GRM7: variants seen among roughly 807,000 people sequenced by gnomAD.
GRM7 encodes glutamate metabotropic receptor 7.
GRM7 carries 35 observed loss-of-function variants against 84.5 expected under a neutral mutation model. The observed-to-expected ratio is 0.41, with a 90% CI of 0.32 to 0.55. The LOEUF (loss-of-function observed/expected upper bound fraction) is 0.55. Ranked by LOEUF, GRM7 falls within the 20% of genes least tolerant of loss-of-function variation. The probability of loss-of-function intolerance (pLI) is 0.19; values close to 1 mark genes in which losing one functional copy is unlikely to be tolerated. For missense variants in GRM7, 1,003 were observed against 1,194.6 expected, an observed-to-expected ratio of 0.84 and a Z score of 2.36; for synonymous variants, 487 against 455.1, an observed-to-expected ratio of 1.07 and a Z score of -0.89.
At chr3:7,055,962 A>G (rs898374643) in intron 1 of GRM7, among the ~76,000 whole-genome samples, 1 of 151,972 alleles carries the variant, frequency 6.6e-6, no homozygotes, top group African/African-American at 2.4e-5. Context: ...TGTAGAGGAT[A>G]TGGGGACATG....
At chr3:6,935,421 T>A (rs1352208163) in intron 1 of GRM7, among the ~76,000 whole-genome samples, 1 of 151,648 alleles carries the variant, frequency 6.6e-6, no homozygotes, top group Non-Finnish European at 1.5e-5. Context: ...GCTCAAAGAA[T>A]AATGAAAAAT....
intron 7 of GRM7, among the ~76,000 whole-genome samples, chr3:7,548,680 A>G (rs73019815): frequency 0.013 from 2,051 of 152,282 alleles, 28 homozygotes; most frequent in Middle Eastern, 0.027. Flanking sequence ...GTGATCCCCT[A>G]GGACTACCTC....
chr3:7,274,052 T>C (rs1698963462), intron 2 of GRM7, among the ~76,000 whole-genome samples: 1 of 151,970 alleles, frequency 6.6e-6, no homozygotes, highest in South Asian at 2.1e-4. Flanking sequence ...TTGGTTTTGG[T>C]CATTGCCCTA....
intron 1 of GRM7, among the ~76,000 whole-genome samples, chr3:7,093,319 T>TTG (rs939019444): frequency 2.0e-5 from 3 of 151,584 alleles, no homozygotes; most frequent in Admixed American, 1.3e-4. Context: ...TGACGTGTAC[T>TTG]TGTGTGTGTG....
At chr3:7,379,589 G>T (rs1694503150) in intron 4 of GRM7, among the ~76,000 whole-genome samples, 1 of 151,942 alleles carries the variant, frequency 6.6e-6, no homozygotes, top group African/African-American at 2.4e-5. Context: ...GAGAATGTTT[G>T]GTTTTCCCTA....
chr3:7,359,158 G>C (rs1575216150), intron 4 of GRM7, among the ~76,000 whole-genome samples: 1 of 62,876 alleles, frequency 1.6e-5, no homozygotes, highest in Admixed American at 1.9e-4. Context: ...CTTAGGTCTA[G>C]GTCTATGTAT....
intron 1 of GRM7, among the ~76,000 whole-genome samples, chr3:6,901,870 A>G (rs1473452821): frequency 1.3e-5 from 2 of 151,894 alleles, no homozygotes; most frequent in Non-Finnish European, 2.9e-5. Context: ...AAGCATCATA[A>G]TATCAGTGAA....
intron 5 of GRM7, among the ~76,000 whole-genome samples, chr3:7,452,096 G>C (rs1445453565): frequency 6.6e-6 from 1 of 152,156 alleles, no homozygotes; most frequent in African/African-American, 2.4e-5. Flanking sequence ...TGAGAGCTGG[G>C]ATTGTGAAAG....
At chr3:7,584,017 G>A in intron 8 of GRM7, among the ~76,000 whole-genome samples, 1 of 152,164 alleles carries the variant, frequency 6.6e-6, no homozygotes, top group Non-Finnish European at 1.5e-5. Flanking sequence ...CAGGAACATG[G>A]AGAAGGAGCT....
At chr3:7,156,262 A>G (rs184808019) in intron 2 of GRM7, among the ~76,000 whole-genome samples, 3 of 152,304 alleles carry the variant, frequency 2.0e-5, no homozygotes, top group African/African-American at 7.2e-5. Flanking sequence ...TCAGGAGAGG[A>G]TGGTCCTAGT....
intron 1 of GRM7, among the ~76,000 whole-genome samples, chr3:7,130,583 C>T (rs1435281910): frequency 1.3e-5 from 2 of 149,798 alleles, no homozygotes; most frequent in South Asian, 2.1e-4. Context: ...GATTAATGGC[C>T]CATGGAGAGG....
At chr3:7,364,005 G>C (rs1442572884) in intron 4 of GRM7, among the ~76,000 whole-genome samples, 1 of 151,806 alleles carries the variant, frequency 6.6e-6, no homozygotes, top group Non-Finnish European at 1.5e-5. Context: ...TTAAGAGTTG[G>C]GTGCTATGTA....
intron 2 of GRM7, among the ~76,000 whole-genome samples, chr3:7,172,892 C>A (rs1695030921): frequency 6.6e-6 from 1 of 151,674 alleles, no homozygotes; most frequent in Admixed American, 6.6e-5. Flanking sequence ...TATTGTTTAC[C>A]AGAGGAGGAT....
intron 2 of GRM7, among the ~76,000 whole-genome samples, chr3:7,292,364 T>C (rs1272730160): frequency 2.0e-5 from 3 of 152,206 alleles, no homozygotes; most frequent in Non-Finnish European, 4.4e-5. Context: ...CTCCTCTTAA[T>C]CTGTGGAGTA....
intron 1 of GRM7, among the ~76,000 whole-genome samples, chr3:7,072,308 T>A (rs1011174229): frequency 1.3e-5 from 2 of 152,190 alleles, no homozygotes; most frequent in Admixed American, 1.3e-4. Flanking sequence ...TAAATACTTT[T>A]GGTAAGTCAT....
chr3:7,648,940 G>A (rs1698794523), intron 8 of GRM7, among the ~76,000 whole-genome samples: 1 of 152,004 alleles, frequency 6.6e-6, no homozygotes, highest in Admixed American at 6.5e-5. Flanking sequence ...AGTGGCCTGA[G>A]ACTTTGGTTA....
At chr3:6,906,547 G>A (rs1379847149) in intron 1 of GRM7, among the ~76,000 whole-genome samples, 2 of 151,968 alleles carry the variant, frequency 1.3e-5, no homozygotes, top group Admixed American at 1.3e-4. Flanking sequence ...TTTCCAGACT[G>A]GGGGCATTTA....
At chr3:7,509,408 C>T (rs1353230009) in intron 7 of GRM7, among the ~76,000 whole-genome samples, 2 of 152,222 alleles carry the variant, frequency 1.3e-5, no homozygotes, top group East Asian at 3.9e-4. Context: ...TGGAATCTAA[C>T]GGGGCTACAT....
intron 2 of GRM7, among the ~76,000 whole-genome samples, chr3:7,260,336 T>A (rs1013722345): frequency 1.5e-4 from 23 of 152,288 alleles, no homozygotes; most frequent in Admixed American, 9.8e-4. Context: ...TTCTTTTTTG[T>A]GTCTTTGTCA....
Sources: allele counts gnomAD v4.1 joint callset (sites outside exome capture counted in the v4.1 genomes callset), GRCh38; gene constraint gnomAD v4.1.1; transcripts MANE v1.5; gene names NCBI Gene and HGNC (gene_info 2026-07-23, HGNC 2026-07-21).